NIBAN3: variants seen among roughly 807,000 people sequenced by gnomAD.
The protein encoded by NIBAN3 is protein Niban 3.
Under a neutral mutation model 76.4 loss-of-function variants are expected in NIBAN3, and 66 were observed. The observed-to-expected ratio is 0.86, with a 90% CI of 0.71 to 1.06. NIBAN3 has a LOEUF of 1.06. NIBAN3 is among the 50% of genes least tolerant of loss of function. The probability of loss-of-function intolerance (pLI) is 0.00; values close to 1 mark genes in which losing one functional copy is unlikely to be tolerated. For synonymous variants in NIBAN3, 360 were observed against 355.2 expected (o/e 1.01, Z -0.15); for missense variants, 808 against 810.7 (o/e 1.00, Z 0.04).
At position 17,542,690 on chromosome 19, in the gene NIBAN3, G is replaced by A. The variant is rs2075977654; in HGVS notation, c.1329+396G>A. Among the ~76,000 whole-genome samples, 1 of 152,172 alleles carries A rather than the reference G, an allele frequency of 6.6e-6. No homozygotes were observed. The highest frequency in any genetic ancestry group is 2.1e-4 in the South Asian group (1 of 4,830). ...GGCCGGCGACATGGACGGGCAGATC[G>A]CGCAGTGCCTTGAGCGTGGGGCTAA... On this transcript the variant is annotated intron_variant, in intron 10 of 14. Transcript: ENST00000599164. This position sits in a 1 kb window ranked among gnomAD's most constrained non-coding sequence, Gnocchi z 4.8.
chr19:17,534,718 G>A (rs2075793160), intron 4 of NIBAN3, among the ~76,000 whole-genome samples: 1 of 150,436 alleles, frequency 6.6e-6, no homozygotes, highest in South Asian at 2.1e-4. Flanking sequence ...GTGAACCCGG[G>A]AGGCAGAGCT....
At chr19:17,539,848 C>A in intron 8 of NIBAN3, 83 bp downstream of exon 8, 1 of 1,018,886 alleles carries the variant, frequency 9.8e-7, no homozygotes, top group Non-Finnish European at 1.3e-6. Flanking sequence ...GAAGAATGGG[C>A]TTGAAGTTAT....
Position 17,552,106 on chromosome 19 carries a change from T to C in NIBAN3, c.*208T>C. The C allele has an allele frequency of 3.1e-6, 1 of 325,490 alleles. No homozygotes were observed. The highest frequency in any genetic ancestry group is 5.5e-6 in the Non-Finnish European group (1 of 180,600). The allele number at this position is 325,490 out of a possible 1,614,324, so 20.2% of individuals were successfully genotyped here. A position where few individuals can be genotyped will look rare whatever the true frequency, so the allele number is the denominator to read the frequency against. ...TTTTTTTTTTTTTTTTGAGACTGAG[T>C]CTTGCTCTGTCACCCGGGCTGGAGT... On this transcript the variant is annotated 3_prime_UTR_variant, in exon 15 of 15. Coordinates refer to ENST00000599164, the MANE Select transcript of NIBAN3 (RefSeq NM_001321827.2).
chr19:17,525,785 G>C (rs998106624), upstream of NIBAN3, among the ~76,000 whole-genome samples: 4 of 152,088 alleles, frequency 2.6e-5, no homozygotes, highest in African/African-American at 9.7e-5. Context: ...GGGTGCTAAA[G>C]ATGGGGTTTG....
rs371694786 is a variant in NIBAN3, at chr19:17,551,926, A to G, written c.*28A>G. On this transcript the variant is annotated 3_prime_UTR_variant, in exon 15 of 15. Coordinates refer to ENST00000599164, the MANE Select transcript of NIBAN3 (RefSeq NM_001321827.2). ...CTTCACCCACATCTATCTTGTTTCT[A>G]TTGGATAAATGTCTACAAGTGGAAT... 5.3e-6 allele frequency: 4 copies of G among 760,820 alleles called. No homozygotes were observed. Among genetic ancestry groups the G allele is most frequent in the African/African-American group, 3.4e-5 (2 of 58,740 alleles). The allele number at this position is 760,820 out of a possible 1,614,324, so 47.1% of individuals were successfully genotyped here.
chr19:17,532,863 G>A (rs1308373540), intron 3 of NIBAN3, among the ~76,000 whole-genome samples: 4 of 152,050 alleles, frequency 2.6e-5, no homozygotes, highest in African/African-American at 9.7e-5. Flanking sequence ...ACTGAGGGAG[G>A]AAGGGAGGGA....
At position 17,540,542 on chromosome 19, in the gene NIBAN3, G is replaced by T. The variant is rs140620586; in HGVS notation, c.1130G>T (p.Arg377Leu). ...LAQGMDRLSH[R>L]LRQSPSGTRL... ...CAAGGCATGGACCGACTGTCCCACCGCCTGCGCCAGAGCCCCTCAGGCACG... is the reference window on the plus strand; with the variant it reads ...CAAGGCATGGACCGACTGTCCCACCTCCTGCGCCAGAGCCCCTCAGGCACG... The change falls in exon 9 of 15, where the codon CGC (arginine) becomes CTC (leucine). Residue 377 changes from arginine to leucine, a missense_variant. By Grantham distance (102) the Arg-to-Leu change is moderately radical. Coordinates refer to ENST00000599164, the MANE Select transcript of NIBAN3 (RefSeq NM_001321827.2). 5.8e-6 allele frequency: 9 copies of T among 1,561,866 alleles called. No individual in the cohort carries two copies. In the African/African-American group the frequency reaches 1.2e-4, roughly 22 times the overall value.
chr19:17,552,381 AT>A lies in NIBAN3; in HGVS notation c.*495del, dbSNP rs930973058. On this transcript the variant is annotated 3_prime_UTR_variant, in exon 15 of 15. Transcript: ENST00000599164. Reference sequence around the variant, plus strand: ...GGTGTGAGCCACCACACGTGGCCTAATTTTTTTTTTTTAAATAATAGAGACA... The same window carrying A: ...GGTGTGAGCCACCACACGTGGCCTAATTTTTTTTTTTAAATAATAGAGACA... 1.1e-3 allele frequency: 155 copies of A among 144,280 alleles called. No homozygotes were observed. The highest frequency in any genetic ancestry group is 1.7e-3 in the Non-Finnish European group (109 of 65,754). The allele number at this position is 144,280 out of a possible 1,614,324, so 8.9% of individuals were successfully genotyped here.
rs377615680 is a variant in NIBAN3, at chr19:17,527,296, G to T, written c.-45G>T. The T allele has an allele frequency of 5.2e-6, 8 of 1,550,610 alleles. No homozygotes were observed. The Admixed American group carries it at 5.9e-5, about 11-fold the overall frequency. On this transcript the variant is annotated 5_prime_UTR_variant, in exon 1 of 15. Coordinates refer to ENST00000599164, the MANE Select transcript of NIBAN3 (RefSeq NM_001321827.2). ...GCCCCTGAGCCGAGGAACGCAGGCG[G>T]TGGTCGTGGGGAAGGGAAGAGGAGC...
chr19:17,527,454 G>A, intron 1 of NIBAN3, 59 bp downstream of exon 1: 1 of 1,457,440 alleles, frequency 6.9e-7, no homozygotes, highest in Non-Finnish European at 9.1e-7. Context: ...TCCAGCCATT[G>A]GGTCCACATG....
intron 13 of NIBAN3, among the ~76,000 whole-genome samples, chr19:17,548,582 G>T (rs1231962326): frequency 6.6e-6 from 1 of 152,060 alleles, no homozygotes; most frequent in Non-Finnish European, 1.5e-5. Flanking sequence ...GAACAGAGGG[G>T]AATCTCAAAG....
At chr19:17,546,517 T>A (rs2076057707) in intron 12 of NIBAN3, 169 bp from the exon 13 acceptor site, 3 of 1,192,544 alleles carry the variant, frequency 2.5e-6, no homozygotes, top group South Asian at 2.8e-5. Flanking sequence ...ACCCGGCCTG[T>A]TTATTTTAAA....
At position 17,530,819 on chromosome 19, in the gene NIBAN3, C is replaced by T; in HGVS notation, c.120C>T (p.Val40=). ...ACCGTGGGCAGCTGGCAGCGTCTGT[C>T]CTGCGGCAGATCTCTCGAGAGCTGG... is the stretch of plus-strand genomic sequence containing the variant. The part of the protein sequence containing the change: ...PCYRGQLAAS[V]LRQISRELGP... Residue 40 remains valine, a synonymous_variant, in exon 2 of 15, where the codon GTC becomes GTT. Coordinates refer to ENST00000599164, the MANE Select transcript of NIBAN3 (RefSeq NM_001321827.2). 2 of 1,613,714 alleles carry T rather than the reference C, an allele frequency of 1.2e-6. No individual in the cohort carries two copies. The highest frequency in any genetic ancestry group is 1.7e-6 in the Non-Finnish European group (2 of 1,179,906).
At chr19:17,531,227 T>C in intron 2 of NIBAN3, among the ~76,000 whole-genome samples, 1 of 151,804 alleles carries the variant, frequency 6.6e-6, no homozygotes, top group East Asian at 1.9e-4. Context: ...CTTGGGAGGC[T>C]GAGGCAGGAG....
intron 7 of NIBAN3, 29 bp from the exon 8 acceptor site, chr19:17,539,574 C>G (rs759105338): frequency 4.0e-6 from 6 of 1,505,636 alleles, no homozygotes; most frequent in Middle Eastern, 3.5e-4. Flanking sequence ...CGTGTCTCGG[C>G]TTTGTCCCCC....
chr19:17,534,570 T>A (rs1469778521), intron 4 of NIBAN3, among the ~76,000 whole-genome samples: 4 of 151,988 alleles, frequency 2.6e-5, no homozygotes, highest in Non-Finnish European at 4.4e-5. Flanking sequence ...GGCGGGCAGA[T>A]CATGAAGTCA....
In NIBAN3 at chr19:17,540,601, G is replaced by A. The variant is rs753802201; in HGVS notation, c.1170+19G>A. The stretch of plus-strand genomic sequence containing the variant: ...CAGGGAGGTGAGCTCCCGTGGGTAG[G>A]GGTTCAGTGAGCCAGAGGGTGATGT... On this transcript the variant is annotated intron_variant, in intron 9 of 14. Transcript: ENST00000599164. 12 of 1,451,746 alleles carry A rather than the reference G, an allele frequency of 8.3e-6. No individual in the cohort carries two copies. The Admixed American group carries it at 2.6e-4, about 32-fold the overall frequency. 89.9% of individuals were successfully genotyped at this position (1,451,746 alleles called of 1,614,324 possible).
At chr19:17,538,735 A>AAAGAAAGC (rs1297038326) in intron 5 of NIBAN3, among the ~76,000 whole-genome samples, 4 of 46,598 alleles carry the variant, frequency 8.6e-5, no homozygotes, top group African/African-American at 3.2e-4. Flanking sequence ...AGAAAGCAAG[A>AAAGAAAGC]AAGAAAGAAA....
At chr19:17,548,250 G>C (rs2076095075) in intron 13 of NIBAN3, among the ~76,000 whole-genome samples, 1 of 152,216 alleles carries the variant, frequency 6.6e-6, no homozygotes, top group Non-Finnish European at 1.5e-5. Context: ...GCCAGCACAA[G>C]GGCACGGAGC....
Sources: allele counts gnomAD v4.1 joint callset (sites outside exome capture counted in the v4.1 genomes callset), GRCh38; gene constraint gnomAD v4.1.1; non-coding constraint Gnocchi (gnomAD v3.1); transcripts MANE v1.5; gene names NCBI Gene and HGNC (gene_info 2026-07-23, HGNC 2026-07-21).